KCNIP4: variants seen among roughly 807,000 people sequenced by gnomAD.
The protein encoded by KCNIP4 is Kv channel-interacting protein 4.
KCNIP4 carries 12 observed loss-of-function variants against 34.0 expected under a neutral mutation model. That is an observed-to-expected ratio of 0.35 (90% CI 0.23 to 0.57). The LOEUF is 0.57. Ranked by LOEUF, KCNIP4 falls within the 20% of genes least tolerant of loss-of-function variation. The pLI is 0.83. For missense variants in KCNIP4, 238 were observed against 311.7 expected, an observed-to-expected ratio of 0.76 and a Z score of 1.78; for synonymous variants, 124 against 102.2, an observed-to-expected ratio of 1.21 and a Z score of -1.29.
rs755266993 is a variant in KCNIP4 at position 21,259,920 on chromosome 4, T to TGTGTGTGTGTGTGTGCGC, written c.62-377212_62-377211insGCGCACACACACACACAC. Among the ~76,000 whole-genome samples the TGTGTGTGTGTGTGTGCGC allele has an allele frequency of 3.3e-5, 5 of 150,078 alleles. No homozygotes were observed. The East Asian group carries it at 1.0e-3, about 30-fold the overall frequency. ...GTGTGTGTGTGTGTGTGTGTGTGTG[T>TGTGTGTGTGTGTGTGCGC]GCACGTGCGCTTATGTGCATTGTGC... On this transcript the variant is annotated intron_variant, in intron 1 of 8. Coordinates refer to ENST00000382152, the MANE Select transcript of KCNIP4 (RefSeq NM_025221.6).
chr4:21,924,466 T>G (rs28406575), intron 1 of KCNIP4, among the ~76,000 whole-genome samples: 37,709 of 151,848 alleles, frequency 0.25, 5,567 homozygotes, highest in East Asian at 0.61. Flanking sequence ...AAATGGTCTC[T>G]ATCTGCTGAC....
At chr4:21,667,239 A>G (rs888290296) in intron 1 of KCNIP4, among the ~76,000 whole-genome samples, 3 of 152,174 alleles carry the variant, frequency 2.0e-5, no homozygotes, top group African/African-American at 7.2e-5. Flanking sequence ...CTCATCTCAC[A>G]TTAGTTTTCC....
chr4:21,601,516 C>T (rs1311433864), intron 1 of KCNIP4, among the ~76,000 whole-genome samples: 1 of 151,890 alleles, frequency 6.6e-6, no homozygotes, highest in Non-Finnish European at 1.5e-5. Context: ...TTTCTCTTCC[C>T]CTAAACATGT....
intron 1 of KCNIP4, among the ~76,000 whole-genome samples, chr4:21,010,872 A>G (rs1365150391): frequency 6.6e-6 from 1 of 152,180 alleles, no homozygotes; most frequent in African/African-American, 2.4e-5. Context: ...AATAACACCA[A>G]TTTGAAATTC....
intron 1 of KCNIP4, among the ~76,000 whole-genome samples, chr4:21,037,806 T>TG (rs1358350935): frequency 6.7e-6 from 1 of 150,286 alleles, no homozygotes; most frequent in African/African-American, 2.4e-5. Flanking sequence ...CAACTTGGAT[T>TG]TTTTTTTTTA....
intron 5 of KCNIP4, among the ~76,000 whole-genome samples, chr4:20,748,894 G>GTGTATATATATATA (rs1160169512): frequency 1.4e-4 from 20 of 145,258 alleles, no homozygotes; most frequent in African/African-American, 5.0e-4. Context: ...GTGTGTGTGT[G>GTGTATATATATATA]TATATATATA....
At chr4:21,068,946 C>G (rs938348545) in intron 1 of KCNIP4, among the ~76,000 whole-genome samples, 1 of 152,040 alleles carries the variant, frequency 6.6e-6, no homozygotes, top group African/African-American at 2.4e-5. Flanking sequence ...AGAGTTTGAG[C>G]CTGGGCTTGA....
At chr4:21,250,300 C>T (rs1760610103) in intron 1 of KCNIP4, among the ~76,000 whole-genome samples, 1 of 151,418 alleles carries the variant, frequency 6.6e-6, no homozygotes, top group African/African-American at 2.4e-5. Flanking sequence ...ATTCTCCAGA[C>T]TTGGAAAGTT....
chr4:21,747,382 C>T (rs114300090), intron 1 of KCNIP4, among the ~76,000 whole-genome samples: 5,118 of 152,216 alleles, frequency 0.034, 94 homozygotes, highest in Non-Finnish European at 0.045. Flanking sequence ...GTTCTGTAGA[C>T]GCCTCAATAA....
intron 2 of KCNIP4, among the ~76,000 whole-genome samples, chr4:20,857,090 C>T (rs1030231043): frequency 1.5e-4 from 22 of 150,654 alleles, no homozygotes; most frequent in Non-Finnish European, 2.7e-4. Context: ...TGTGGGCTCT[C>T]TTGCTTTTCC....
At chr4:21,190,891 A>G (rs1755596179) in intron 1 of KCNIP4, among the ~76,000 whole-genome samples, 1 of 152,214 alleles carries the variant, frequency 6.6e-6, no homozygotes, top group South Asian at 2.1e-4. Context: ...AAGGTTTCAT[A>G]AGGAAACCTT....
At chr4:20,771,954 G>A (rs1755927606) in intron 3 of KCNIP4, among the ~76,000 whole-genome samples, 1 of 152,224 alleles carries the variant, frequency 6.6e-6, no homozygotes, top group Admixed American at 6.5e-5. Flanking sequence ...ACAGGTGTGA[G>A]CCACTGTGCC....
intron 1 of KCNIP4, among the ~76,000 whole-genome samples, chr4:21,809,742 T>C (rs560842925): frequency 6.6e-6 from 1 of 152,258 alleles, no homozygotes; most frequent in South Asian, 2.1e-4. Context: ...TATTTAACTC[T>C]ACACATGAAC....
chr4:21,520,631 T>A (rs1013542022), intron 1 of KCNIP4, among the ~76,000 whole-genome samples: 29 of 152,172 alleles, frequency 1.9e-4, no homozygotes, highest in African/African-American at 7.0e-4. Context: ...TGTGTAGCCC[T>A]GAGTAAGCAA....
intron 3 of KCNIP4, among the ~76,000 whole-genome samples, chr4:20,768,055 CA>C (rs1157444801): frequency 6.6e-6 from 1 of 152,126 alleles, no homozygotes; most frequent in Non-Finnish European, 1.5e-5. Context: ...GGAGAATTTT[CA>C]AAATTTAAAT....
At chr4:21,315,280 C>G (rs926352045) in intron 1 of KCNIP4, 1 of 158,396 alleles carries the variant, frequency 6.3e-6, no homozygotes, top group Non-Finnish European at 1.4e-5. Flanking sequence ...CCTCAGCCTA[C>G]TCAATGTGAA....
At position 21,461,030 on chromosome 4, in the gene KCNIP4, T is replaced by C. The variant is rs149986534; in HGVS notation, c.61+487541A>G. Among the ~76,000 whole-genome samples the C allele has an allele frequency of 2.0e-5, 3 of 152,212 alleles. No homozygotes were observed. The East Asian group carries it at 5.8e-4, about 29-fold the overall frequency. ...AATGCTGCCAAGAATAGTCATATGG[T>C]TTGGCTCTGTGTCTGCACCCAAATC... is the stretch of plus-strand genomic sequence containing the variant. On this transcript the variant is annotated intron_variant, in intron 1 of 8. Coordinates refer to ENST00000382152, the MANE Select transcript of KCNIP4 (RefSeq NM_025221.6).
At chr4:21,732,526 T>C (rs1715684326) in intron 1 of KCNIP4, among the ~76,000 whole-genome samples, 2 of 152,096 alleles carry the variant, frequency 1.3e-5, no homozygotes, top group Admixed American at 6.6e-5. Context: ...CCAAAGCCAA[T>C]CCAGCTGTTT....
chr4:21,812,335 T>G (rs1323769636), intron 1 of KCNIP4, among the ~76,000 whole-genome samples: 2 of 152,094 alleles, frequency 1.3e-5, no homozygotes, highest in Non-Finnish European at 2.9e-5. Flanking sequence ...CCAGAACAAA[T>G]GTAATGGTGG....
Sources: allele counts gnomAD v4.1 joint callset (sites outside exome capture counted in the v4.1 genomes callset), GRCh38; gene constraint gnomAD v4.1.1; transcripts MANE v1.5; gene names NCBI Gene and HGNC (gene_info 2026-07-23, HGNC 2026-07-21).